Variants in HDAC4 observed in about 807,000 individuals in gnomAD.
HDAC4 encodes histone deacetylase 4.
A neutral mutation model predicts 135.1 loss-of-function variants in HDAC4; 16 were observed. The observed-to-expected ratio is 0.12, with a 90% confidence interval of 0.08 to 0.18. The LOEUF is 0.18. HDAC4 is among the 10% of genes least tolerant of loss of function. HDAC4 has a pLI of 1.00. For missense variants in HDAC4, 1,143 were observed against 1,511.8 expected (o/e 0.76, Z 4.05); for synonymous variants, 685 against 653.4 (o/e 1.05, Z -0.74).
At chr2:239,104,455 C>A (rs1338744610) in intron 15 of HDAC4, among the ~76,000 whole-genome samples, 1 of 152,178 alleles carries the variant, frequency 6.6e-6, no homozygotes, top group East Asian at 1.9e-4. Flanking sequence ...GTCTTGAACT[C>A]CTGACCTCAT....
intron 1 of HDAC4, among the ~76,000 whole-genome samples, chr2:239,357,466 G>T (rs943082705): frequency 6.7e-5 from 10 of 149,814 alleles, no homozygotes; most frequent in Non-Finnish European, 1.2e-4. Flanking sequence ...AAAAAAAACA[G>T]TAACAGAAGA....
intron 24 of HDAC4, among the ~76,000 whole-genome samples, chr2:239,060,822 C>T (rs567662340): frequency 1.1e-3 from 170 of 152,384 alleles, no homozygotes; most frequent in African/African-American, 4.0e-3. Context: ...TGCCCCGGCC[C>T]GGGCCCGTGT....
chr2:239,373,217 C>G (rs941937909), intron 1 of HDAC4, among the ~76,000 whole-genome samples: 1 of 152,164 alleles, frequency 6.6e-6, no homozygotes, highest in Non-Finnish European at 1.5e-5. Context: ...CAGCCATGCC[C>G]GACACTGCTG....
At chr2:239,292,269 G>A (rs2125518803) in intron 2 of HDAC4, among the ~76,000 whole-genome samples, 1 of 152,342 alleles carries the variant, frequency 6.6e-6, no homozygotes, top group African/African-American at 2.4e-5. Flanking sequence ...CAGTCCCAGG[G>A]GACCCTGAGG....
intron 2 of HDAC4, among the ~76,000 whole-genome samples, chr2:239,310,347 A>G (rs1559353763): frequency 6.6e-6 from 1 of 152,190 alleles, no homozygotes; most frequent in Non-Finnish European, 1.5e-5. Context: ...CAGATACACA[A>G]ACTCTGAGTG....
intron 15 of HDAC4, among the ~76,000 whole-genome samples, chr2:239,104,434 G>GTTCCA (rs1241028851): frequency 6.6e-6 from 1 of 152,104 alleles, no homozygotes; most frequent in Non-Finnish European, 1.5e-5. Flanking sequence ...TTGCCATGTT[G>GTTCCA]TTCCAGGCTG....
At chr2:239,075,380 T>G (rs1401459692) in intron 22 of HDAC4, among the ~76,000 whole-genome samples, 3 of 150,452 alleles carry the variant, frequency 2.0e-5, no homozygotes, top group African/African-American at 7.4e-5. Flanking sequence ...GAGAGAGGGG[T>G]GGGCTCGCAG....
At chr2:239,312,529 C>T (rs912227076) in intron 2 of HDAC4, among the ~76,000 whole-genome samples, 4 of 152,210 alleles carry the variant, frequency 2.6e-5, no homozygotes, top group Admixed American at 6.5e-5. Context: ...AAAATGTCCC[C>T]GACTGTCCTC....
rs77827424 is a variant in HDAC4 at position 239,054,827 on chromosome 2, G to T, written c.3010C>A (p.Pro1004Thr). 6.2e-7 allele frequency: 1 copy of T among 1,607,074 alleles called. No homozygotes were observed. Among genetic ancestry groups the T allele is most frequent in the East Asian group, 2.2e-5 (1 of 44,844 alleles). ...TGCTGTAAAACCTTTTCTGGGAGAG[G>T]ATCAAGCTGGAAGAAAATGCATAAG... ...VSALLGNELDPLPEKVLQQRP... is the reference protein window; with the variant it reads ...VSALLGNELDTLPEKVLQQRP... Residue 1004 changes from proline (P) to threonine (T), a missense_variant, in exon 25 of 27, where the codon CCT becomes ACT. Coordinates refer to ENST00000543185, the MANE Select transcript of HDAC4 (RefSeq NM_001378414.1).
At chr2:239,241,844 C>T (rs998998185) in intron 2 of HDAC4, among the ~76,000 whole-genome samples, 5 of 152,080 alleles carry the variant, frequency 3.3e-5, no homozygotes, top group Admixed American at 1.3e-4. Flanking sequence ...CATTAGTTCC[C>T]TTATAAGCCA....
At position 239,132,959 on chromosome 2, in the gene HDAC4, G is replaced by C. The variant is rs1037839990; in HGVS notation, c.1294+1286C>G. Among the ~76,000 whole-genome samples the C allele has an allele frequency of 3.5e-4, 54 of 152,178 alleles. 1 individual carries two copies. Among genetic ancestry groups the C allele is most frequent in the Non-Finnish European group, 1.2e-4 (8 of 68,042 alleles). On this transcript the variant is annotated intron_variant, in intron 11 of 26. Coordinates refer to ENST00000543185, the MANE Select transcript of HDAC4 (RefSeq NM_001378414.1). ...AACCTCAGATACATTCCTCCAGAGA[G>C]ATCCGCGTGCCTGCCACTGTGGCCG...
rs527819816 is a variant in HDAC4, at chr2:239,298,129, A to T, written c.22+54549T>A. 151 of 1,116,708 alleles carry T rather than the reference A, an allele frequency of 1.4e-4. No individual in the cohort carries two copies. In the South Asian group the frequency reaches 1.8e-3, roughly 13 times the overall value. The allele number at this position is 1,116,708 out of a possible 1,614,324, so 69.2% of individuals were successfully genotyped here. ...ATAAAAAAAATTAATGGACTAAAAC[A>T]TAAACAAGAAATTCCAAACCAAATA... On this transcript the variant is annotated intron_variant, in intron 2 of 26. Coordinates refer to ENST00000543185, the MANE Select transcript of HDAC4 (RefSeq NM_001378414.1).
chr2:239,063,002 G>A (rs1204733318), intron 24 of HDAC4, among the ~76,000 whole-genome samples: 2 of 152,062 alleles, frequency 1.3e-5, no homozygotes, highest in African/African-American at 2.4e-5. Context: ...TCCTGACCCC[G>A]CCAAGGCCCT....
intron 2 of HDAC4, among the ~76,000 whole-genome samples, chr2:239,241,918 A>G (rs991278821): frequency 6.6e-6 from 1 of 152,162 alleles, no homozygotes; most frequent in Admixed American, 6.5e-5. Context: ...CTTAACCACC[A>G]TAACTGTACA....
At chr2:239,101,930 T>C (rs1263072126) in intron 16 of HDAC4, among the ~76,000 whole-genome samples, 1 of 149,616 alleles carries the variant, frequency 6.7e-6, no homozygotes, top group Non-Finnish European at 1.5e-5. Context: ...GTCTGTGTTC[T>C]GTGCCCTGGA....
In HDAC4 at chr2:239,082,083, C is replaced by A; in HGVS notation, c.2652+19G>T. 1 of 1,613,780 alleles carries A rather than the reference C, an allele frequency of 6.2e-7. No individual in the cohort carries two copies. Among genetic ancestry groups the A allele is most frequent in the Non-Finnish European group, 8.5e-7 (1 of 1,179,854 alleles). On this transcript the variant is annotated intron_variant, in intron 21 of 26. Transcript: ENST00000543185. Reference sequence around the variant, plus strand: ...GCAGTCCCCCTTTCCCCCCAGAGGCCCTTATATACCCCACCTACCTCATCA... The same window carrying A: ...GCAGTCCCCCTTTCCCCCCAGAGGCACTTATATACCCCACCTACCTCATCA...
intron 13 of HDAC4, 104 bp downstream of exon 13, chr2:239,114,949 C>T: frequency 7.2e-7 from 1 of 1,389,460 alleles, no homozygotes; most frequent in Non-Finnish European, 9.9e-7. Flanking sequence ...AGTGACCGCG[C>T]AAGGATGCCC....
At chr2:239,379,308 C>A (rs1047272140) in intron 1 of HDAC4, among the ~76,000 whole-genome samples, 2 of 152,102 alleles carry the variant, frequency 1.3e-5, no homozygotes, top group Admixed American at 6.5e-5. Flanking sequence ...GGTGGGCGAG[C>A]CCCGGGGAGA....
At chr2:239,116,059 C>T (rs1003616551) in intron 12 of HDAC4, among the ~76,000 whole-genome samples, 20 of 152,188 alleles carry the variant, frequency 1.3e-4, no homozygotes, top group Non-Finnish European at 2.4e-4. Flanking sequence ...ATCTCACGGA[C>T]GCTTCTCGGT....
Sources: allele counts gnomAD v4.1 joint callset (sites outside exome capture counted in the v4.1 genomes callset), GRCh38; gene constraint gnomAD v4.1.1; transcripts MANE v1.5; gene names NCBI Gene and HGNC (gene_info 2026-07-23, HGNC 2026-07-21).